The following NRXN3 variants were observed in gnomAD, a reference collection of about 807,000 sequenced individuals.
NRXN3 encodes the protein neurexin 3, also known as neurexin III.
In NRXN3, 32 loss-of-function variants were observed where a neutral mutation model predicts 137.6. The observed-to-expected ratio is 0.23, with a 90% CI of 0.18 to 0.31. The LOEUF is 0.31. Ranked by LOEUF, NRXN3 falls within the 10% of genes least tolerant of loss-of-function variation. NRXN3 has a pLI of 1.00. For missense variants in NRXN3, 1,574 were observed against 2,062.5 expected (o/e 0.76, Z 4.59); for synonymous variants, 798 against 784.5 (o/e 1.02, Z -0.29).
chr14:79,375,731 C>T (rs1449705556), intron 15 of NRXN3, among the ~76,000 whole-genome samples: 11 of 152,020 alleles, frequency 7.2e-5, no homozygotes, highest in African/African-American at 2.7e-4. Context: ...AATCTACTTC[C>T]CAACCTTCCC....
At chr14:79,714,772 C>T (rs559476636) in intron 19 of NRXN3, among the ~76,000 whole-genome samples, 2 of 152,280 alleles carry the variant, frequency 1.3e-5, no homozygotes, top group Admixed American at 1.3e-4. Context: ...GTCCTCCTCA[C>T]CTGATTAGGC....
At chr14:79,467,708 T>C (rs2096448188) in intron 16 of NRXN3, among the ~76,000 whole-genome samples, 1 of 152,160 alleles carries the variant, frequency 6.6e-6, no homozygotes, top group South Asian at 2.1e-4. Flanking sequence ...TTAAGAGATT[T>C]ACCTGGTGTG....
intron 15 of NRXN3, among the ~76,000 whole-genome samples, chr14:79,077,767 A>G (rs948816443): frequency 6.6e-5 from 10 of 152,216 alleles, no homozygotes; most frequent in Non-Finnish European, 1.0e-4. Flanking sequence ...TTATTATTAT[A>G]TCAGTCTGTG....
chr14:79,129,167 C>G (rs2057046224), intron 15 of NRXN3, among the ~76,000 whole-genome samples: 1 of 151,852 alleles, frequency 6.6e-6, no homozygotes, highest in South Asian at 2.1e-4. Context: ...TTTTTTGTGT[C>G]TCTATTTCCT....
intron 20 of NRXN3, among the ~76,000 whole-genome samples, chr14:79,855,854 G>C (rs1005960572): frequency 2.0e-5 from 3 of 151,970 alleles, no homozygotes; most frequent in Non-Finnish European, 4.4e-5. Context: ...TTTGAGGTAG[G>C]GTATTTTATT....
intron 14 of NRXN3, among the ~76,000 whole-genome samples, chr14:78,968,740 T>G (rs2099428694): frequency 6.6e-6 from 1 of 152,232 alleles, no homozygotes; most frequent in African/African-American, 2.4e-5. Context: ...TAGATGTCAC[T>G]AATTAATAAA....
intron 16 of NRXN3, among the ~76,000 whole-genome samples, chr14:79,520,030 A>C (rs1331449142): frequency 1.3e-5 from 2 of 151,886 alleles, no homozygotes; most frequent in Admixed American, 1.3e-4. Context: ...TTCTTCAGAT[A>C]ACTCTTAAGT....
intron 15 of NRXN3, among the ~76,000 whole-genome samples, chr14:79,431,991 A>G (rs549627897): frequency 1.3e-5 from 2 of 152,206 alleles, no homozygotes; most frequent in African/African-American, 4.8e-5. Flanking sequence ...GCATGTAGCC[A>G]ATGTTATACT....
intron 4 of NRXN3, among the ~76,000 whole-genome samples, chr14:78,443,864 T>C (rs1417981238): frequency 1.3e-5 from 2 of 152,260 alleles, no homozygotes; most frequent in Non-Finnish European, 2.9e-5. Flanking sequence ...ATTATGCTTC[T>C]ATTGTAACCA....
At chr14:79,646,830 G>C (rs1030857744) in intron 16 of NRXN3, among the ~76,000 whole-genome samples, 2 of 135,996 alleles carry the variant, frequency 1.5e-5, no homozygotes, top group African/African-American at 4.9e-5. Context: ...CCCTTATTTA[G>C]TTGGTGGGAT....
At chr14:78,357,022 C>A (rs75869808) in intron 4 of NRXN3, among the ~76,000 whole-genome samples, 1 of 152,248 alleles carries the variant, frequency 6.6e-6, no homozygotes, top group East Asian at 1.9e-4. Context: ...ATATGAAAAT[C>A]GACAATAGAA....
At chr14:78,541,112 G>A (rs1008547282) in intron 4 of NRXN3, among the ~76,000 whole-genome samples, 9 of 152,084 alleles carry the variant, frequency 5.9e-5, no homozygotes, top group Non-Finnish European at 1.0e-4. Flanking sequence ...TGCTCTTCTT[G>A]AGGAGTATCT....
intron 20 of NRXN3, among the ~76,000 whole-genome samples, chr14:79,856,551 G>A (rs565054538): frequency 2.6e-5 from 4 of 151,716 alleles, no homozygotes; most frequent in African/African-American, 4.8e-5. Context: ...TGGTATTTTC[G>A]TGAACTCTCA....
At chr14:79,086,523 G>A (rs1264479579) in intron 15 of NRXN3, among the ~76,000 whole-genome samples, 1 of 152,006 alleles carries the variant, frequency 6.6e-6, no homozygotes, top group Non-Finnish European at 1.5e-5. Flanking sequence ...TTAAATTGTG[G>A]TGTTTTAAAT....
Position 79,616,111 on chromosome 14 carries a change from TGAAAA to T in NRXN3, c.3445-47663_3445-47659del, listed in dbSNP as rs1429684357. 1.6e-4 allele frequency among the ~76,000 whole-genome samples: 25 copies of T among 152,200 alleles called. No individual in the cohort carries two copies. In the South Asian group the frequency reaches 4.4e-3, roughly 27 times the overall value. On this transcript the variant is annotated intron_variant, in intron 16 of 20. Transcript: ENST00000335750. ...TAATCAATTGACAACGGGGAGCTCT[TGAAAA>T]GAACTGACAAGGTCAGATTTGCATT...
chr14:79,500,236 CAAAAAAAA>C (rs34976297), intron 16 of NRXN3, among the ~76,000 whole-genome samples: 1 of 88,422 alleles, frequency 1.1e-5, no homozygotes, highest in African/African-American at 4.1e-5. Context: ...AAAAAGAAGG[CAAAAAAAA>C]AAAAAAAAAA....
At chr14:78,711,194 A>C (rs2098404179) in intron 7 of NRXN3, among the ~76,000 whole-genome samples, 1 of 142,530 alleles carries the variant, frequency 7.0e-6, no homozygotes, top group South Asian at 2.3e-4. Flanking sequence ...ACTAACCTAG[A>C]CCTTGGCACA....
At chr14:78,488,407 T>G (rs1246082190) in intron 4 of NRXN3, among the ~76,000 whole-genome samples, 1 of 152,226 alleles carries the variant, frequency 6.6e-6, no homozygotes, top group Non-Finnish European at 1.5e-5. Context: ...AAAGCCCTGC[T>G]CTGCAATTCT....
At chr14:79,459,868 T>A (rs1274200603) in intron 15 of NRXN3, among the ~76,000 whole-genome samples, 3 of 152,020 alleles carry the variant, frequency 2.0e-5, no homozygotes, top group Non-Finnish European at 4.4e-5. Context: ...AAGAGGGAAT[T>A]TGAGTGTGTC....
Sources: allele counts gnomAD v4.1 joint callset (sites outside exome capture counted in the v4.1 genomes callset), GRCh38; gene constraint gnomAD v4.1.1; transcripts MANE v1.5; gene names NCBI Gene and HGNC (gene_info 2026-07-23, HGNC 2026-07-21).